CAMKMT: variants seen among roughly 807,000 people sequenced by gnomAD.
The protein encoded by CAMKMT is CaM KMT.
CAMKMT carries 53 observed loss-of-function variants against 48.0 expected under a neutral mutation model. The observed-to-expected ratio is 1.10, with a 90% CI of 0.89 to 1.39. The LOEUF is 1.39. Ranked by LOEUF, CAMKMT falls within the 40% of genes most tolerant of loss-of-function variation. The pLI, the probability that CAMKMT is intolerant of heterozygous loss-of-function variation, is 0.00. For missense variants in CAMKMT, 428 were observed against 402.7 expected, an observed-to-expected ratio of 1.06 and a Z score of -0.54; for synonymous variants, 165 against 152.3, an observed-to-expected ratio of 1.08 and a Z score of -0.61.
chr2:44,375,556 G>A (rs1679602226), intron 2 of CAMKMT, among the ~76,000 whole-genome samples: 1 of 152,106 alleles, frequency 6.6e-6, no homozygotes, highest in African/African-American at 2.4e-5. Flanking sequence ...TAGAAGTTTA[G>A]AGGTAGGAGT....
intron 3 of CAMKMT, among the ~76,000 whole-genome samples, chr2:44,622,426 C>T (rs1279465995): frequency 6.6e-6 from 1 of 152,126 alleles, no homozygotes; most frequent in African/African-American, 2.4e-5. Flanking sequence ...GTTTGAAGTA[C>T]ACTTGAACCC....
chr2:44,584,259 A>G (rs1669727164), intron 3 of CAMKMT, among the ~76,000 whole-genome samples: 1 of 152,228 alleles, frequency 6.6e-6, no homozygotes, highest in African/African-American at 2.4e-5. Flanking sequence ...TTATTCATTT[A>G]TCCACTGACT....
intron 3 of CAMKMT, among the ~76,000 whole-genome samples, chr2:44,440,261 T>C (rs1305215636): frequency 6.6e-6 from 1 of 152,172 alleles, no homozygotes. Context: ...CAACTTGGGC[T>C]CTTGATGTAA....
chr2:44,476,780 G>T (rs1668711231), intron 3 of CAMKMT, among the ~76,000 whole-genome samples: 1 of 152,150 alleles, frequency 6.6e-6, no homozygotes, highest in Non-Finnish European at 1.5e-5. Flanking sequence ...AGACCTCGTG[G>T]TCTTAGGCAA....
At chr2:44,492,378 C>G (rs986442001) in intron 3 of CAMKMT, among the ~76,000 whole-genome samples, 1 of 152,004 alleles carries the variant, frequency 6.6e-6, no homozygotes, top group Non-Finnish European at 1.5e-5. Flanking sequence ...ATAGTCAATA[C>G]TTGTTTCCAA....
At chr2:44,539,930 G>T (rs115327846) in intron 3 of CAMKMT, among the ~76,000 whole-genome samples, 1 of 152,212 alleles carries the variant, frequency 6.6e-6, no homozygotes, top group South Asian at 2.1e-4. Context: ...CCAGTGTAAA[G>T]TTACTGTTTT....
At chr2:44,501,045 T>A (rs984980849) in intron 3 of CAMKMT, among the ~76,000 whole-genome samples, 1 of 151,806 alleles carries the variant, frequency 6.6e-6, no homozygotes, top group African/African-American at 2.4e-5. Context: ...TAGCTTTTTT[T>A]TTAACCTTAT....
At chr2:44,455,492 C>T (rs1283468205) in intron 3 of CAMKMT, among the ~76,000 whole-genome samples, 1 of 152,150 alleles carries the variant, frequency 6.6e-6, no homozygotes, top group African/African-American at 2.4e-5. Context: ...ACCCAATTGT[C>T]ATTCATTGCA....
At chr2:44,444,003 A>G (rs1666832354) in intron 3 of CAMKMT, among the ~76,000 whole-genome samples, 1 of 152,194 alleles carries the variant, frequency 6.6e-6, no homozygotes, top group African/African-American at 2.4e-5. Flanking sequence ...AGAACACAAG[A>G]AGGGTATGCT....
chr2:44,390,218 G>T, intron 2 of CAMKMT, 23 bp from the exon 3 acceptor site: 1 of 1,588,372 alleles, frequency 6.3e-7, no homozygotes. Flanking sequence ...AATCATTAAA[G>T]CAAACGCTTT....
At chr2:44,430,902 T>C (rs975424431) in intron 3 of CAMKMT, among the ~76,000 whole-genome samples, 1 of 152,136 alleles carries the variant, frequency 6.6e-6, no homozygotes, top group African/African-American at 2.4e-5. Context: ...TTAGTAAAGA[T>C]TTGCAAAAGT....
intron 3 of CAMKMT, among the ~76,000 whole-genome samples, chr2:44,549,025 A>T (rs1033930090): frequency 6.6e-6 from 1 of 152,190 alleles, no homozygotes; most frequent in African/African-American, 2.4e-5. Context: ...CCGATAAAAA[A>T]CTAATACATC....
chr2:44,372,905 T>G lies in CAMKMT; in HGVS notation c.311+17T>G, dbSNP rs924343004. On this transcript the variant is annotated intron_variant, in intron 2 of 10. Transcript: ENST00000378494. ...CTCCTTAAGGTAACCATTATTCTAG[T>G]TAAGATTTTGTAAACACTAGATTTC... 4 of 1,591,510 alleles carry G rather than the reference T, an allele frequency of 2.5e-6. No homozygotes were observed. Among genetic ancestry groups the G allele is most frequent in the Non-Finnish European group, 3.4e-6 (4 of 1,171,456 alleles).
chr2:44,409,103 A>C (rs1474379967), intron 3 of CAMKMT, among the ~76,000 whole-genome samples: 6 of 8,002 alleles, frequency 7.5e-4, no homozygotes, highest in Non-Finnish European at 1.0e-3. Context: ...ATATATATAT[A>C]TATATATATA....
intron 3 of CAMKMT, among the ~76,000 whole-genome samples, chr2:44,691,670 A>T (rs1184677577): frequency 1.3e-5 from 2 of 152,062 alleles, no homozygotes; most frequent in Non-Finnish European, 1.5e-5. Context: ...ATCTAGTGAG[A>T]GGCAGCAGAT....
intron 3 of CAMKMT, among the ~76,000 whole-genome samples, chr2:44,622,946 C>T (rs1015129432): frequency 9.8e-5 from 15 of 152,318 alleles, no homozygotes; most frequent in African/African-American, 3.6e-4. Context: ...GATATGCATT[C>T]CCACCAACAG....
Position 44,372,563 on chromosome 2 carries a change from A to G in CAMKMT, c.139-153A>G, listed in dbSNP as rs535547643. ...CTTTAAAATATTTTGTTCATCTTTT[A>G]TAGTTATCTTCAGTAGGAGATATAT... On this transcript the variant is annotated intron_variant, in intron 1 of 10. Transcript: ENST00000378494. Among the ~76,000 whole-genome samples the G allele has an allele frequency of 5.3e-5, 8 of 152,050 alleles. 1 individual carries two copies. The Middle Eastern group carries it at 0.014, about 259-fold the overall frequency.
At chr2:44,569,632 T>C (rs1668801168) in intron 3 of CAMKMT, among the ~76,000 whole-genome samples, 1 of 152,112 alleles carries the variant, frequency 6.6e-6, no homozygotes. Flanking sequence ...TTTGTGGAGG[T>C]AGTAGCTGGC....
intron 3 of CAMKMT, among the ~76,000 whole-genome samples, chr2:44,648,523 A>T (rs1425601908): frequency 5.9e-5 from 9 of 152,206 alleles, no homozygotes; most frequent in Admixed American, 1.3e-4. Flanking sequence ...TTGTTCTGAA[A>T]GATATTGAAC....
Sources: allele counts gnomAD v4.1 joint callset (sites outside exome capture counted in the v4.1 genomes callset), GRCh38; gene constraint gnomAD v4.1.1; transcripts MANE v1.5; gene names NCBI Gene and HGNC (gene_info 2026-07-23, HGNC 2026-07-21).